Variants in MYT1L observed in about 807,000 individuals in gnomAD.
The protein encoded by MYT1L is myelin transcription factor 1-like protein.
In MYT1L, 12 loss-of-function variants were observed where a neutral mutation model predicts 126.7. That is an observed-to-expected ratio of 0.09 (90% CI 0.06 to 0.15). MYT1L has a LOEUF of 0.15. Among genes scored for constraint, MYT1L ranks in the 10% least tolerant of loss-of-function variants. The probability of loss-of-function intolerance (pLI) is 1.00; values close to 1 mark genes in which losing one functional copy is unlikely to be tolerated. For synonymous variants in MYT1L, 541 were observed against 604.2 expected (o/e 0.90, Z 1.53); for missense variants, 979 against 1,585.2 (o/e 0.62, Z 6.49).
At chr2:2,126,748 A>G (rs182112587) in intron 3 of MYT1L, among the ~76,000 whole-genome samples, 5 of 152,354 alleles carry the variant, frequency 3.3e-5, no homozygotes, top group African/African-American at 1.2e-4. Flanking sequence ...AAGTGCCCCA[A>G]GTGCCAAGGC....
intron 2 of MYT1L, among the ~76,000 whole-genome samples, chr2:2,229,720 A>C (rs10184190): frequency 0.3 from 45,101 of 151,864 alleles, 7,388 homozygotes; most frequent in Non-Finnish European, 0.38. Context: ...ATGTATATGT[A>C]TGTATATGCA....
chr2:2,116,266 C>T (rs2080198637), intron 3 of MYT1L, among the ~76,000 whole-genome samples: 1 of 152,210 alleles, frequency 6.6e-6, no homozygotes, highest in Admixed American at 6.5e-5. Context: ...AAAGAAGCCT[C>T]CTGATTCCAT....
In MYT1L at chr2:1,828,893, A is replaced by G. The variant is rs1211213566; in HGVS notation, c.3080+10256T>C. On this transcript the variant is annotated intron_variant, in intron 21 of 24. Transcript: ENST00000647738. ...GTATGGTGGACGAGACTCTTAAGAT[A>G]TGAGTTACTTCTAAAAATACTTGTT... Among the ~76,000 whole-genome samples the G allele has an allele frequency of 2.0e-5, 3 of 152,232 alleles. No individual in the cohort carries two copies. In the East Asian group the frequency reaches 5.8e-4, roughly 29 times the overall value.
At chr2:1,904,745 C>A (rs527556231) in intron 13 of MYT1L, among the ~76,000 whole-genome samples, 1 of 152,120 alleles carries the variant, frequency 6.6e-6, no homozygotes, top group South Asian at 2.1e-4. Context: ...GATTCTCCTG[C>A]CTCAGCCTCC....
intron 13 of MYT1L, among the ~76,000 whole-genome samples, chr2:1,906,050 T>C (rs2051008247): frequency 6.6e-6 from 1 of 152,232 alleles, no homozygotes; most frequent in Non-Finnish European, 1.5e-5. Context: ...TGCTTTTTTA[T>C]GATTATTTTC....
chr2:1,839,402 G>A, intron 20 of MYT1L, 32 bp from the exon 21 acceptor site: 1 of 1,584,252 alleles, frequency 6.3e-7, no homozygotes, highest in East Asian at 2.3e-5. Flanking sequence ...ACACTTTATT[G>A]TCTGGCCACC....
At chr2:2,176,792 C>G (rs59034315) in intron 2 of MYT1L, among the ~76,000 whole-genome samples, 1 of 152,072 alleles carries the variant, frequency 6.6e-6, no homozygotes, top group Non-Finnish European at 1.5e-5. Flanking sequence ...AATCACCATG[C>G]CTGGCCTAGA....
chr2:1,921,325 T>C (rs1475458311), intron 10 of MYT1L, among the ~76,000 whole-genome samples: 1 of 152,192 alleles, frequency 6.6e-6, no homozygotes, highest in Non-Finnish European at 1.5e-5. Flanking sequence ...GTCAAGGTTA[T>C]GCATGAGGCT....
At chr2:2,187,251 A>C (rs769004474) in intron 2 of MYT1L, among the ~76,000 whole-genome samples, 1 of 151,994 alleles carries the variant, frequency 6.6e-6, no homozygotes, top group Admixed American at 6.6e-5. Context: ...CTGGAGCTGC[A>C]CAGAAAGTGC....
intron 3 of MYT1L, among the ~76,000 whole-genome samples, chr2:2,100,739 T>C (rs1054550383): frequency 6.6e-5 from 10 of 152,182 alleles, no homozygotes; most frequent in Non-Finnish European, 1.2e-4. Context: ...TGAGACATCA[T>C]CCTGCTTCTT....
At chr2:1,976,992 T>C (rs1168861798) in intron 8 of MYT1L, among the ~76,000 whole-genome samples, 2 of 152,238 alleles carry the variant, frequency 1.3e-5, no homozygotes. Flanking sequence ...AGCTAGCATC[T>C]GGGCCAAGTA....
chr2:1,931,953 C>T (rs907160342), intron 9 of MYT1L, among the ~76,000 whole-genome samples: 3 of 152,182 alleles, frequency 2.0e-5, no homozygotes, highest in Non-Finnish European at 2.9e-5. Flanking sequence ...CCCCCCTTCA[C>T]ACATACGTGA....
chr2:1,924,577 T>TG (rs1180300970), intron 9 of MYT1L, among the ~76,000 whole-genome samples: 2 of 152,204 alleles, frequency 1.3e-5, no homozygotes, highest in African/African-American at 4.8e-5. Context: ...AAAAAAGACT[T>TG]GGAGTTCAAT....
chr2:2,028,037 T>A (rs1415670389), intron 4 of MYT1L, among the ~76,000 whole-genome samples: 1 of 152,252 alleles, frequency 6.6e-6, no homozygotes, highest in Non-Finnish European at 1.5e-5. Flanking sequence ...TGTGGGGTCA[T>A]AATGCTGAGT....
At position 1,992,468 on chromosome 2, in the gene MYT1L, C is replaced by T. The variant is rs192438676; in HGVS notation, c.-1+4723G>A. Among the ~76,000 whole-genome samples, 273 of 152,296 alleles carry T rather than the reference C, an allele frequency of 1.8e-3. 1 individual carries two copies. The highest frequency in any genetic ancestry group is 6.2e-3 in the African/African-American group (259 of 41,560). ...TCCCCTCCCCTGCTTTCCTGTCTAT[C>T]CCCCATGCCCCGCTGTGATGCCTTC... On this transcript the variant is annotated intron_variant, in intron 5 of 24. Transcript: ENST00000647738.
chr2:1,902,524 G>A (rs371219852), intron 14 of MYT1L, among the ~76,000 whole-genome samples: 19 of 152,330 alleles, frequency 1.2e-4, no homozygotes, highest in East Asian at 5.8e-4. Context: ...CAAGGGTGCC[G>A]TAGTGTCGTG....
In MYT1L at chr2:1,910,120, C is replaced by T. The variant is rs371170944; in HGVS notation, c.1817+120G>A. The T allele has an allele frequency of 3.8e-4, 341 of 906,112 alleles. No individual in the cohort carries two copies. The highest frequency in any genetic ancestry group is 2.5e-3 in the African/African-American group (151 of 61,132). The allele number at this position is 906,112 out of a possible 1,614,324, so 56.1% of individuals were successfully genotyped here. A position where few individuals can be genotyped will look rare whatever the true frequency, so the allele number is the denominator to read the frequency against. Reference sequence around the variant, plus strand: ...CTGGCCCCGGCTTCCAGCACAGCCCCGCCCTCCAGTCCCTGCCCCTGCTGC... The same window carrying T: ...CTGGCCCCGGCTTCCAGCACAGCCCTGCCCTCCAGTCCCTGCCCCTGCTGC... On this transcript the variant is annotated intron_variant, in intron 13 of 24. Coordinates refer to ENST00000647738, the MANE Select transcript of MYT1L (RefSeq NM_001303052.2). The surrounding 1 kb of genome is among the most constrained non-coding windows in gnomAD (Gnocchi z 4.8).
intron 19 of MYT1L, 57 bp from the exon 20 acceptor site, chr2:1,840,900 C>CTTTTTTTTTTTTTTTTTTTTTTTTT (rs1197637882): frequency 1.4e-6 from 1 of 732,050 alleles, no homozygotes. Context: ...AGTGAGCTTT[C>CTTTTTTTTTTTTTTTTTTTTTTTTT]TTTCTTTTTT....
intron 4 of MYT1L, among the ~76,000 whole-genome samples, chr2:2,024,439 C>G (rs1243710824): frequency 6.6e-6 from 1 of 152,194 alleles, no homozygotes; most frequent in Non-Finnish European, 1.5e-5. Flanking sequence ...ATTCCCTCCC[C>G]TTGTGGCTGA....
Sources: gnomAD v4.1 joint callset for allele counts (sites outside exome capture counted in the v4.1 genomes callset) on GRCh38, gnomAD v4.1.1 for gene constraint, Gnocchi (gnomAD v3.1) non-coding constraint, MANE v1.5 for transcripts, NCBI Gene and HGNC (gene_info 2026-07-23, HGNC 2026-07-21) for gene names.